The following ZBTB44 variants were observed in gnomAD, a reference collection of about 807,000 sequenced individuals.
ZBTB44 encodes zinc finger and BTB domain containing 44.
ZBTB44 carries 15 observed loss-of-function variants against 54.0 expected under a neutral mutation model. The ratio of observed to expected loss-of-function variants is 0.28; its 90% CI spans 0.19 to 0.43. The LOEUF (loss-of-function observed/expected upper bound fraction) is 0.43. ZBTB44 is among the 20% of genes least tolerant of loss of function. The pLI, the probability that ZBTB44 is intolerant of heterozygous loss-of-function variation, is 1.00. For synonymous variants in ZBTB44, 230 were observed against 250.1 expected, an observed-to-expected ratio of 0.92 and a Z score of 0.76; for missense variants, 487 against 707.1, an observed-to-expected ratio of 0.69 and a Z score of 3.53.
chr11:130,238,642 C>A, intron 3 of ZBTB44, 35 bp from the exon 4 acceptor site: 2 of 1,588,008 alleles, frequency 1.3e-6, no homozygotes, highest in Middle Eastern at 1.7e-4. Context: ...CAACCAGGCT[C>A]TGATTTTTAA....
Position 130,238,563 on chromosome 11 carries a change from G to T in ZBTB44, c.1148C>A (p.Ser383Tyr). Residue 383 changes from serine to tyrosine, a missense_variant, in exon 4 of 8, where the codon TCC becomes TAC. Coordinates refer to ENST00000357899, the MANE Select transcript of ZBTB44 (RefSeq NM_001301098.2). ...QYPYQLYIAP[S>Y]TSSTERPSPN... Reference sequence around the variant, plus strand: ...ACTTGGTCGCTCTGTACTGCTGGTGGAAGGAGCAATGTAGAGTTGGTAGGG... The same window carrying T: ...ACTTGGTCGCTCTGTACTGCTGGTGTAAGGAGCAATGTAGAGTTGGTAGGG... 6.2e-7 allele frequency: 1 copy of T among 1,613,178 alleles called. No individual in the cohort carries two copies. The highest frequency in any genetic ancestry group is 1.7e-5 in the Admixed American group (1 of 59,904).
chr11:130,305,264 T>C (rs1942204206), intron 1 of ZBTB44, among the ~76,000 whole-genome samples: 1 of 152,064 alleles, frequency 6.6e-6, no homozygotes, highest in East Asian at 1.9e-4. Flanking sequence ...AATTCTAAAA[T>C]TCATATGGAA....
At chr11:130,279,153 C>T (rs1196467828) in intron 1 of ZBTB44, among the ~76,000 whole-genome samples, 2 of 151,892 alleles carry the variant, frequency 1.3e-5, no homozygotes, top group African/African-American at 4.8e-5. Context: ...AAGTCTATTT[C>T]CCCACTTCCC....
intron 2 of ZBTB44, among the ~76,000 whole-genome samples, chr11:130,250,095 C>T (rs1047017215): frequency 1.3e-5 from 2 of 152,168 alleles, no homozygotes; most frequent in South Asian, 2.1e-4. Context: ...GGACATCCGC[C>T]ATTACTGAGG....
chr11:130,262,412 TA>T (rs1938935297), intron 1 of ZBTB44, among the ~76,000 whole-genome samples: 1 of 152,176 alleles, frequency 6.6e-6, no homozygotes, highest in Non-Finnish European at 1.5e-5. Flanking sequence ...GTGCTGGGAT[TA>T]CAGGTGTGAG....
rs138668219 is a variant in ZBTB44, at chr11:130,275,544, ATTGT to A, written c.-56-13619_-56-13616del. On this transcript the variant is annotated intron_variant, in intron 1 of 7. Coordinates refer to ENST00000357899, the MANE Select transcript of ZBTB44 (RefSeq NM_001301098.2). ...TGATCTGTTGGTTATTTAGGAATGC[ATTGT>A]TTAATTACCACATATTTGTGAGCTT... Among the ~76,000 whole-genome samples the A allele has an allele frequency of 7.6e-3, 1,159 of 152,246 alleles. 21 individuals are homozygous for A. The highest frequency in any genetic ancestry group is 0.027 in the African/African-American group (1,111 of 41,548).
chr11:130,261,233 T>G lies in ZBTB44; in HGVS notation c.641A>C (p.Tyr214Ser), dbSNP rs1938842356. 1.9e-6 allele frequency: 3 copies of G among 1,613,756 alleles called. No homozygotes were observed. Among genetic ancestry groups the G allele is most frequent in the Non-Finnish European group, 2.5e-6 (3 of 1,179,892 alleles). Reference protein sequence around the residue: ...SPQVLNSSASYSENRNQPVDS... With the variant: ...SPQVLNSSASSSENRNQPVDS... ...AACTGGTTGGTTTCTATTTTCTGAG[T>G]AGGAAGCTGAAGAATTCAATACCTG... Residue 214 changes from tyrosine (Y) to serine (S), a missense_variant, in exon 2 of 8, where the codon TAC (tyrosine) becomes TCC (serine). Physicochemically the swap from Tyr to Ser is moderately radical, Grantham distance 144. This residue lies in a region of ZBTB44 where 277 missense variants were observed against 306.5 expected (regional missense o/e 0.90). Transcript: ENST00000357899. The surrounding 1 kb of genome is among the most constrained non-coding windows in gnomAD (Gnocchi z 4.8).
intron 1 of ZBTB44, among the ~76,000 whole-genome samples, chr11:130,289,728 C>G (rs372657266): frequency 6.6e-6 from 1 of 152,114 alleles, no homozygotes; most frequent in Non-Finnish European, 1.5e-5. Flanking sequence ...AAAGCAAGAA[C>G]GTATGTCCTC....
intron 1 of ZBTB44, chr11:130,296,741 G>A: frequency 3.4e-6 from 3 of 879,166 alleles, no homozygotes; most frequent in Non-Finnish European, 1.9e-6. Flanking sequence ...CTCAGCTTGA[G>A]AAATTGATTG....
At chr11:130,296,629 C>G in intron 1 of ZBTB44, 1 of 891,102 alleles carries the variant, frequency 1.1e-6, no homozygotes. Flanking sequence ...ATGCCTTGCC[C>G]ATTTTGGGCC....
intron 2 of ZBTB44, among the ~76,000 whole-genome samples, chr11:130,258,685 G>C (rs140586882): frequency 9.4e-4 from 143 of 152,316 alleles, no homozygotes; most frequent in African/African-American, 3.2e-3. Context: ...ATGTGACACA[G>C]ACTAGCAGAA....
chr11:130,305,728 C>T (rs778169368), intron 1 of ZBTB44, among the ~76,000 whole-genome samples: 4 of 151,984 alleles, frequency 2.6e-5, no homozygotes, highest in Non-Finnish European at 5.9e-5. Flanking sequence ...AAACCAAAAG[C>T]GAATGCAACA....
intron 1 of ZBTB44, among the ~76,000 whole-genome samples, chr11:130,279,915 C>A (rs1940385738): frequency 6.6e-6 from 1 of 152,142 alleles, no homozygotes; most frequent in Admixed American, 6.5e-5. Context: ...CTCCCCACCA[C>A]AAAAAATCTC....
chr11:130,266,581 A>T (rs535069985), intron 1 of ZBTB44, among the ~76,000 whole-genome samples: 140 of 152,354 alleles, frequency 9.2e-4, no homozygotes, highest in African/African-American at 3.2e-3. Flanking sequence ...AGATGCCATT[A>T]AGACTGTTTG....
intron 1 of ZBTB44, among the ~76,000 whole-genome samples, chr11:130,292,260 G>A (rs1941348017): frequency 6.6e-6 from 1 of 152,152 alleles, no homozygotes; most frequent in Non-Finnish European, 1.5e-5. Flanking sequence ...ACCAGCAGAT[G>A]TTCTTAATTA....
At chr11:130,284,349 T>A (rs893547553) in intron 1 of ZBTB44, among the ~76,000 whole-genome samples, 2 of 152,206 alleles carry the variant, frequency 1.3e-5, no homozygotes, top group African/African-American at 4.8e-5. Context: ...TTCAAGTAAC[T>A]AATAATCACA....
intron 1 of ZBTB44, among the ~76,000 whole-genome samples, chr11:130,310,029 T>A (rs1242774961): frequency 6.6e-6 from 1 of 152,144 alleles, no homozygotes; most frequent in Non-Finnish European, 1.5e-5. Flanking sequence ...AAATATGGTA[T>A]CTAGGCCTAC....
At position 130,229,846 on chromosome 11, in the gene ZBTB44, T is replaced by C. The variant is rs1953811417; in HGVS notation, c.*1918A>G. ...TTTATTACCTTCTGGCAACTTTGGG[T>C]CTGTTTCTTCTAACTGTAAACTTCA... On this transcript the variant is annotated 3_prime_UTR_variant, in exon 8 of 8. Transcript: ENST00000357899. The C allele has an allele frequency of 6.6e-6, 1 of 152,142 alleles. No homozygotes were observed. Among genetic ancestry groups the C allele is most frequent in the Non-Finnish European group, 1.5e-5 (1 of 67,984 alleles). 9.4% of individuals were successfully genotyped at this position (152,142 alleles called of 1,614,324 possible). A position where few individuals can be genotyped will look rare whatever the true frequency, so the allele number is the denominator to read the frequency against.
At chr11:130,241,836 T>G (rs1954377772) in intron 2 of ZBTB44, among the ~76,000 whole-genome samples, 1 of 152,198 alleles carries the variant, frequency 6.6e-6, no homozygotes, top group African/African-American at 2.4e-5. Flanking sequence ...CCCATTGGAG[T>G]TGACTTTGTG....
Sources: gnomAD v4.1 joint callset for allele counts (sites outside exome capture counted in the v4.1 genomes callset) on GRCh38, gnomAD v4.1.1 for gene constraint, gnomAD v4.1.1 regional missense constraint, Gnocchi (gnomAD v3.1) non-coding constraint, MANE v1.5 for transcripts, NCBI Gene and HGNC (gene_info 2026-07-23, HGNC 2026-07-21) for gene names.